SOHLH2: variants seen among roughly 807,000 people sequenced by gnomAD.
The protein encoded by SOHLH2 is spermatogenesis and oogenesis specific basic helix-loop-helix 2.
Under a neutral mutation model 50.4 loss-of-function variants are expected in SOHLH2, and 22 were observed. The ratio of observed to expected loss-of-function variants is 0.44; its 90% confidence interval spans 0.31 to 0.62. The LOEUF (loss-of-function observed/expected upper bound fraction) is 0.62, where lower values mean the gene tolerates loss of function less well. Among genes scored for constraint, SOHLH2 ranks in the 20% least tolerant of loss-of-function variants. The pLI is 0.08. For synonymous variants in SOHLH2, 185 were observed against 187.3 expected (o/e 0.99, Z 0.10); for missense variants, 412 against 504.4 (o/e 0.82, Z 1.76).
chr13:36,174,555 G>A lies in SOHLH2; in HGVS notation c.802C>T (p.Leu268Phe), dbSNP rs748152196. 12 of 1,614,166 alleles carry A rather than the reference G, an allele frequency of 7.4e-6. No homozygotes were observed. The highest frequency in any genetic ancestry group is 1.0e-5 in the Non-Finnish European group (12 of 1,180,042). The change falls in exon 8 of 11, where the codon CTT (leucine) becomes TTT (phenylalanine). Residue 268 changes from leucine (L) to phenylalanine (F), a missense_variant. Physicochemically the swap from Leu to Phe is conservative, Grantham distance 22 (BLOSUM62 0). Transcript: ENST00000379881. Reference protein sequence around the residue: ...PAVMAQITEALQSNMRFCKKQ... With the variant: ...PAVMAQITEAFQSNMRFCKKQ... Reference sequence around the variant, plus strand: ...TTACAAAACCTCATGTTGCTCTGAAGTGCTTCTGTAATCTAAAAAACACAG... The same window carrying A: ...TTACAAAACCTCATGTTGCTCTGAAATGCTTCTGTAATCTAAAAAACACAG...
chr13:36,214,231 C>T (rs114343513), intron 1 of SOHLH2, among the ~76,000 whole-genome samples: 1,614 of 152,276 alleles, frequency 0.011, 29 homozygotes, highest in African/African-American at 0.037. Flanking sequence ...CGTCCCCCAA[C>T]CTCAGGCCCC....
rs1352918351 is a variant in SOHLH2, at chr13:36,211,357, T to G, written c.48+3122A>C. Among the ~76,000 whole-genome samples, 4 of 152,256 alleles carry G rather than the reference T, an allele frequency of 2.6e-5. No homozygotes were observed. The East Asian group carries it at 7.7e-4, about 29-fold the overall frequency. ...ACTTTATGTCTCTGCTTAAATATGCTTGATGTTTATTCTCTCCATAGATAT... is the reference window on the plus strand; with the variant it reads ...ACTTTATGTCTCTGCTTAAATATGCGTGATGTTTATTCTCTCCATAGATAT... On this transcript the variant is annotated intron_variant, in intron 1 of 10. Transcript: ENST00000379881.
rs573785794 is a variant in SOHLH2, at chr13:36,192,377, G to A, written c.431-483C>T. Among the ~76,000 whole-genome samples the A allele has an allele frequency of 1.3e-4, 20 of 152,262 alleles. No individual in the cohort carries two copies. In the South Asian group the frequency reaches 1.9e-3, roughly 14 times the overall value. ...CAACAGAGGGGCATGGGCAGGTGAC[G>A]AGCAGCTGCTCTATTTCACTGAGAA... On this transcript the variant is annotated intron_variant, in intron 4 of 10. Transcript: ENST00000379881.
chr13:36,206,003 T>C (rs1868737712), intron 1 of SOHLH2, among the ~76,000 whole-genome samples: 1 of 151,942 alleles, frequency 6.6e-6, no homozygotes, highest in Non-Finnish European at 1.5e-5. Flanking sequence ...AATATATATA[T>C]AATACCTATT....
intron 1 of SOHLH2, among the ~76,000 whole-genome samples, chr13:36,207,469 G>C (rs890087001): frequency 5.3e-5 from 8 of 152,136 alleles, no homozygotes; most frequent in Non-Finnish European, 1.0e-4. Flanking sequence ...GAGTTGCAGA[G>C]AGGGTATGGT....
chr13:36,172,626 C>G (rs1271474554), intron 9 of SOHLH2, among the ~76,000 whole-genome samples: 1 of 152,262 alleles, frequency 6.6e-6, no homozygotes, highest in Non-Finnish European at 1.5e-5. Context: ...GTGACCCTTT[C>G]TACCACTAAG....
chr13:36,178,081 AAATT>A (rs1887140738), intron 6 of SOHLH2, among the ~76,000 whole-genome samples: 2 of 151,476 alleles, frequency 1.3e-5, no homozygotes, highest in Admixed American at 1.3e-4. Flanking sequence ...TAATAAATAT[AAATT>A]AATATTACAT....
In SOHLH2 at chr13:36,193,702, C is replaced by G; in HGVS notation, c.349G>C (p.Asp117His). Residue 117 changes from aspartate (D) to histidine (H), a missense_variant, in exon 4 of 11, where the codon GAT becomes CAT. Physicochemically the swap from Asp to His is moderately conservative, Grantham distance 81 (BLOSUM62 -1). Coordinates refer to ENST00000379881, the MANE Select transcript of SOHLH2 (RefSeq NM_017826.3). ...GTCAGTGGTTCAGTTAAAGCAATAT[C>G]CATTCCATGCCCTGAAATACAACCT... ...FKGCISGHGM[D>H]IALTEPLTME... 7.4e-6 allele frequency: 12 copies of G among 1,612,236 alleles called. No individual in the cohort carries two copies. Among genetic ancestry groups the G allele is most frequent in the Non-Finnish European group, 1.0e-5 (12 of 1,179,620 alleles).
intron 1 of SOHLH2, among the ~76,000 whole-genome samples, chr13:36,206,603 T>C (rs866603417): frequency 6.6e-6 from 1 of 152,050 alleles, no homozygotes; most frequent in African/African-American, 2.4e-5. Flanking sequence ...CATAGCCTAA[T>C]ACACAGTTTT....
chr13:36,193,930 G>A (rs1261445928), intron 2 of SOHLH2, 63 bp from the exon 3 acceptor site: 20 of 1,507,750 alleles, frequency 1.3e-5, no homozygotes, highest in Non-Finnish European at 1.6e-5. Context: ...TGAGATTCAG[G>A]AGTTTAGCTT....
At position 36,201,969 on chromosome 13, in the gene SOHLH2, G is replaced by A. The variant is rs758411552; in HGVS notation, c.173C>T (p.Ala58Val). ...ITISDTKEAA[A>V]LLDDCIFNMV... ...GTTGAATATGCAATCATCCAAAAGC[G>A]CTGCTGCCTCCTTCGTGTCACTGAT... is the stretch of plus-strand genomic sequence containing the variant. The change falls in exon 2 of 11, where the codon GCG becomes GTG. Residue 58 changes from alanine (A) to valine (V), a missense_variant. Physicochemically the swap from Ala to Val is moderately conservative, Grantham distance 64 (BLOSUM62 0). Coordinates refer to ENST00000379881, the MANE Select transcript of SOHLH2 (RefSeq NM_017826.3). 2.5e-6 allele frequency: 4 copies of A among 1,614,078 alleles called. No individual in the cohort carries two copies. The highest frequency in any genetic ancestry group is 2.7e-5 in the African/African-American group (2 of 74,930).
intron 2 of SOHLH2, among the ~76,000 whole-genome samples, 199 bp downstream of exon 2, chr13:36,201,680 G>C (rs1384567837): frequency 2.0e-5 from 3 of 152,106 alleles, no homozygotes; most frequent in East Asian, 1.9e-4. Context: ...ATGTTGCCCA[G>C]GCAGGTCTGG....
At chr13:36,194,608 A>G (rs529937548) in intron 2 of SOHLH2, among the ~76,000 whole-genome samples, 1 of 152,326 alleles carries the variant, frequency 6.6e-6, no homozygotes, top group South Asian at 2.1e-4. Context: ...GAAATTTTTC[A>G]AATAAAACTT....
chr13:36,170,390 C>T (rs1467548413), intron 10 of SOHLH2, 141 bp downstream of exon 10: 2 of 1,386,174 alleles, frequency 1.4e-6, no homozygotes. Flanking sequence ...CTCCTTTTCA[C>T]TCATCAGGGT....
In SOHLH2 at chr13:36,170,629, T is replaced by C. The variant is rs765248768; in HGVS notation, c.1159A>G (p.Ile387Val). ...ATAVTNQNIS[I>V]HLPSAMPPVS... is the part of the protein sequence containing the mutation. ...GGGGGCATGGCTGAAGGTAAATGAA[T>C]TGAAATGTTCTGATTTGTTACAGCA... is the stretch of plus-strand genomic sequence containing the variant. The change falls in exon 10 of 11, where the codon ATT becomes GTT. Residue 387 changes from isoleucine (I) to valine (V), a missense_variant. Physicochemically the swap from Ile to Val is conservative, Grantham distance 29. Coordinates refer to ENST00000379881, the MANE Select transcript of SOHLH2 (RefSeq NM_017826.3). 6.2e-6 allele frequency: 10 copies of C among 1,614,140 alleles called. No homozygotes were observed. Among genetic ancestry groups the C allele is most frequent in the East Asian group, 2.2e-5 (1 of 44,888 alleles).
At chr13:36,213,997 C>A (rs1483128107) in intron 1 of SOHLH2, among the ~76,000 whole-genome samples, 1 of 151,450 alleles carries the variant, frequency 6.6e-6, no homozygotes, top group Non-Finnish European at 1.5e-5. Context: ...TCACAAGTGG[C>A]CTTCTGCTCG....
In SOHLH2 at chr13:36,168,824, G is replaced by A; in HGVS notation, c.*210C>T. On this transcript the variant is annotated 3_prime_UTR_variant, in exon 11 of 11. Transcript: ENST00000379881. ...TGGCGGGGATCCAAGTGTGTATGAAGATGAGTGACAGTGTGTGGCCAGCTT... is the reference window on the plus strand; with the variant it reads ...TGGCGGGGATCCAAGTGTGTATGAAAATGAGTGACAGTGTGTGGCCAGCTT... The A allele has an allele frequency of 1.4e-6, 1 of 710,290 alleles. No individual in the cohort carries two copies. The allele number at this position is 710,290 out of a possible 1,614,324, so 44.0% of individuals were successfully genotyped here.
In SOHLH2 at chr13:36,175,881, AG is replaced by A. The variant is rs546446803; in HGVS notation, c.642-1013del. On this transcript the variant is annotated intron_variant, in intron 6 of 10. Coordinates refer to ENST00000379881, the MANE Select transcript of SOHLH2 (RefSeq NM_017826.3). ...GTCAACAATTTGACAACGTGTGTGAAGGGCTTTGAAACTTTTCACAGCCTTT... is the reference window on the plus strand; with the variant it reads ...GTCAACAATTTGACAACGTGTGTGAAGGCTTTGAAACTTTTCACAGCCTTT... 1.5e-3 allele frequency among the ~76,000 whole-genome samples: 236 copies of A among 152,300 alleles called. 1 individual carries two copies. Among genetic ancestry groups the A allele is most frequent in the Non-Finnish European group, 1.0e-3 (71 of 68,026 alleles).
At chr13:36,178,159 G>T (rs1887142860) in intron 6 of SOHLH2, among the ~76,000 whole-genome samples, 1 of 152,010 alleles carries the variant, frequency 6.6e-6, no homozygotes, top group East Asian at 1.9e-4. Context: ...ACCACATGTT[G>T]CTAGTGGCTA....
Sources: gnomAD v4.1 joint callset for allele counts (sites outside exome capture counted in the v4.1 genomes callset) on GRCh38, gnomAD v4.1.1 for gene constraint, MANE v1.5 for transcripts, NCBI Gene and HGNC (gene_info 2026-07-23, HGNC 2026-07-21) for gene names.